The following NXPE2 variants were observed in gnomAD, a reference collection of about 807,000 sequenced individuals.
NXPE2 encodes the protein NXPE family member 2.
NXPE2 carries 34 observed loss-of-function variants against 34.4 expected under a neutral mutation model. The observed-to-expected ratio is 0.99, with a 90% CI of 0.75 to 1.31. The LOEUF (loss-of-function observed/expected upper bound fraction) is 1.31, where lower values mean the gene tolerates loss of function less well. Ranked by LOEUF, NXPE2 falls within the 40% of genes most tolerant of loss-of-function variation. The probability of loss-of-function intolerance (pLI) is 0.00; values close to 1 mark genes in which losing one functional copy is unlikely to be tolerated. For synonymous variants in NXPE2, 235 were observed against 231.3 expected (o/e 1.02, Z -0.15); for missense variants, 649 against 672.5 (o/e 0.97, Z 0.39).
At chr11:114,509,627 G>A in the NXPE2 span, among the ~76,000 whole-genome samples, 8 of 152,094 alleles carry the variant, frequency 5.3e-5, no homozygotes, top group East Asian at 1.9e-4. Context: ...GCAGGGACTT[G>A]GATAGAGCTG....
the NXPE2 span, among the ~76,000 whole-genome samples, chr11:114,664,067 T>G: frequency 6.6e-6 from 1 of 152,296 alleles, no homozygotes; most frequent in East Asian, 1.9e-4. Flanking sequence ...CACAAAAGTT[T>G]ATACGTGATT....
At chr11:114,530,972 G>T in the NXPE2 span, 1 of 1,433,040 alleles carries the variant, frequency 7.0e-7, no homozygotes, top group South Asian at 1.5e-5. Context: ...TACTTATTAT[G>T]AGTTTGAATA....
At chr11:114,600,983 T>C in the NXPE2 span, among the ~76,000 whole-genome samples, 2 of 152,002 alleles carry the variant, frequency 1.3e-5, no homozygotes, top group East Asian at 1.9e-4. Context: ...ATTTGCCAAA[T>C]AGTCCATCAT....
chr11:114,615,843 A>ACCC, the NXPE2 span, among the ~76,000 whole-genome samples: 4 of 151,744 alleles, frequency 2.6e-5, no homozygotes, highest in African/African-American at 9.7e-5. Flanking sequence ...TGTGGATAAT[A>ACCC]AGAGATGCCT....
At chr11:114,504,421 C>T in the NXPE2 span, among the ~76,000 whole-genome samples, 1 of 152,128 alleles carries the variant, frequency 6.6e-6, no homozygotes, top group Admixed American at 6.6e-5. Flanking sequence ...CCAGCAGGGC[C>T]CCCCCACACC....
chr11:114,546,771 A>G, the NXPE2 span, among the ~76,000 whole-genome samples: 1 of 152,142 alleles, frequency 6.6e-6, no homozygotes, highest in Non-Finnish European at 1.5e-5. Flanking sequence ...AATATACAAG[A>G]TGAGCCTAAA....
chr11:114,615,654 C>T, the NXPE2 span, among the ~76,000 whole-genome samples: 1 of 151,664 alleles, frequency 6.6e-6, no homozygotes, highest in Non-Finnish European at 1.5e-5. Flanking sequence ...CTAGGGTAAC[C>T]ACTGTTACCC....
At chr11:114,571,194 T>C in the NXPE2 span, 95 of 1,613,944 alleles carry the variant, frequency 5.9e-5, no homozygotes, top group East Asian at 2.0e-3. Flanking sequence ...CAGAAGAAGA[T>C]GCTGAATGGC....
the NXPE2 span, among the ~76,000 whole-genome samples, chr11:114,658,732 C>A: frequency 6.6e-6 from 1 of 152,084 alleles, no homozygotes; most frequent in Admixed American, 6.5e-5. Context: ...GGGCCCAGAC[C>A]ATTAGAGATT....
chr11:114,792,843 A>G, the NXPE2 span, among the ~76,000 whole-genome samples: 1 of 152,212 alleles, frequency 6.6e-6, no homozygotes, highest in Non-Finnish European at 1.5e-5. Flanking sequence ...CAGTTCTGTG[A>G]GGTAGATATT....
At chr11:114,759,666 A>C in the NXPE2 span, among the ~76,000 whole-genome samples, 2,978 of 152,336 alleles carry the variant, frequency 0.02, 94 homozygotes, top group African/African-American at 0.069. Context: ...TTTTTCATAG[A>C]GTAAACTGTA....
the NXPE2 span, among the ~76,000 whole-genome samples, chr11:114,612,381 G>A: frequency 1.3e-5 from 2 of 151,982 alleles, no homozygotes; most frequent in Admixed American, 6.6e-5. Context: ...TGGACAATAA[G>A]TATTGCCTCA....
At chr11:114,502,582 T>G in the NXPE2 span, among the ~76,000 whole-genome samples, 6 of 152,240 alleles carry the variant, frequency 3.9e-5, no homozygotes, top group African/African-American at 1.4e-4. Flanking sequence ...TATCTGGAAG[T>G]ATACTTTTGC....
At chr11:114,638,310 T>C in the NXPE2 span, among the ~76,000 whole-genome samples, 24 of 152,180 alleles carry the variant, frequency 1.6e-4, no homozygotes, top group African/African-American at 5.3e-4. Context: ...GGTTTTCAGC[T>C]CCATCAGCTC....
At chr11:114,597,460 T>C in the NXPE2 span, among the ~76,000 whole-genome samples, 1 of 152,168 alleles carries the variant, frequency 6.6e-6, no homozygotes, top group Non-Finnish European at 1.5e-5. Flanking sequence ...CCTTGTGATA[T>C]TCAGTTGGAA....
chr11:114,739,383 C>T, the NXPE2 span, among the ~76,000 whole-genome samples: 2 of 129,154 alleles, frequency 1.5e-5, no homozygotes, highest in East Asian at 5.2e-4. Context: ...TCACTCACTC[C>T]TTCCCTTCCT....
At chr11:114,648,743 A>G in the NXPE2 span, among the ~76,000 whole-genome samples, 158 of 152,286 alleles carry the variant, frequency 1.0e-3, no homozygotes, top group African/African-American at 3.7e-3. Context: ...GCATACAACT[A>G]AAAACTTACT....
At chr11:114,500,256 C>T in the NXPE2 span, among the ~76,000 whole-genome samples, 1 of 152,084 alleles carries the variant, frequency 6.6e-6, no homozygotes, top group Non-Finnish European at 1.5e-5. Flanking sequence ...AGTTATTCCA[C>T]ATCAGTATTA....
At chr11:114,806,734 T>C in the NXPE2 span, among the ~76,000 whole-genome samples, 144,170 of 150,108 alleles carry the variant, frequency 0.96, 69,471 homozygotes, top group East Asian at 1. Context: ...CTGAAAGTGA[T>C]GGGGAGAATG....
Sources: allele counts gnomAD v4.1 joint callset (sites outside exome capture counted in the v4.1 genomes callset), GRCh38; gene constraint gnomAD v4.1.1; transcripts MANE v1.5; gene names NCBI Gene and HGNC (gene_info 2026-07-23, HGNC 2026-07-21).